The following TRPC5 variants were observed in gnomAD, a reference collection of about 807,000 sequenced individuals.
TRPC5 encodes short transient receptor potential channel 5.
TRPC5 carries 9 observed loss-of-function variants against 56.5 expected under a neutral mutation model. The observed-to-expected ratio is 0.16, with a 90% CI of 0.10 to 0.28. The LOEUF (loss-of-function observed/expected upper bound fraction) is 0.28. Ranked by LOEUF, TRPC5 falls within the 10% of genes least tolerant of loss-of-function variation. The probability of loss-of-function intolerance (pLI) is 1.00; values close to 1 mark genes in which losing one functional copy is unlikely to be tolerated. For missense variants in TRPC5, 469 were observed against 748.9 expected (o/e 0.63, Z 4.36); for synonymous variants, 282 against 278.5 (o/e 1.01, Z -0.13).
chrX:111,843,873 A>AGTGT (rs547330564), intron 6 of TRPC5, among the ~76,000 whole-genome samples: 2,713 of 72,550 alleles, frequency 0.037, 62 homozygotes, highest in East Asian at 0.066. Flanking sequence ...CAGTGGGATG[A>AGTGT]GTGTGTGTGT....
intron 1 of TRPC5, among the ~76,000 whole-genome samples, chrX:112,040,103 C>T (rs913926462): frequency 1.8e-5 from 2 of 112,170 alleles, no homozygotes; most frequent in African/African-American, 6.5e-5. Context: ...TTACATCTAA[C>T]AGATGCTCTA....
intron 1 of TRPC5, among the ~76,000 whole-genome samples, chrX:112,023,234 G>GTTTTTTTTT (rs749260030): frequency 1.1e-4 from 5 of 45,960 alleles, no homozygotes; most frequent in African/African-American, 4.0e-4. Context: ...GCGCCCAGCA[G>GTTTTTTTTT]TTTTTTTTTT....
At chrX:112,052,152 G>T (rs767420732) in intron 1 of TRPC5, among the ~76,000 whole-genome samples, 3 of 111,663 alleles carry the variant, frequency 2.7e-5, no homozygotes, top group African/African-American at 9.8e-5. Context: ...AAGCAAAACT[G>T]CTGGATTCTC....
At chrX:111,845,152 C>T (rs887132919) in intron 6 of TRPC5, among the ~76,000 whole-genome samples, 1 of 111,186 alleles carries the variant, frequency 9.0e-6, no homozygotes, top group Admixed American at 9.6e-5. Flanking sequence ...GCACAAGAAT[C>T]GCTTGAACCT....
intron 1 of TRPC5, among the ~76,000 whole-genome samples, chrX:112,035,110 G>T (rs1929699458): frequency 9.7e-6 from 1 of 103,237 alleles, no homozygotes; most frequent in African/African-American, 3.6e-5. Context: ...AAATGTAAGA[G>T]CTTAGAGCTA....
intron 1 of TRPC5, among the ~76,000 whole-genome samples, chrX:112,024,858 C>T (rs1425503498): frequency 8.9e-6 from 1 of 111,919 alleles, no homozygotes; most frequent in African/African-American, 3.2e-5. Flanking sequence ...GGGTAAGTCA[C>T]CTCCCTGGGA....
At position 112,082,337 on chromosome X, in the gene TRPC5, CTG is replaced by C. The variant is rs1167253558; in HGVS notation, c.-482_-481del. On this transcript the variant is annotated 5_prime_UTR_variant, in exon 1 of 11. It introduces an in-frame stop codon into an upstream open reading frame of the 5' UTR. Coordinates refer to ENST00000262839, the MANE Select transcript of TRPC5 (RefSeq NM_012471.3). ...GGGAAACTGACAGGGGTAGCTGACA[CTG>C]TAGTGTGAAGGAGAGGGAGAAGGAG... 8 of 110,133 alleles carry C rather than the reference CTG, an allele frequency of 7.3e-5. No homozygotes were observed. Among genetic ancestry groups the C allele is most frequent in the African/African-American group, 2.7e-4 (8 of 30,068 alleles). The allele number at this position is 110,133 out of a possible 1,213,427, so 9.1% of individuals were successfully genotyped here.
intron 1 of TRPC5, among the ~76,000 whole-genome samples, chrX:111,968,313 A>G (rs1416800171): frequency 9.0e-6 from 1 of 111,532 alleles, no homozygotes; most frequent in Non-Finnish European, 1.9e-5. Context: ...ATCATTAAAA[A>G]GTCAGGAAAC....
At chrX:111,793,319 T>G (rs1398685959) in intron 7 of TRPC5, among the ~76,000 whole-genome samples, 4 of 111,468 alleles carry the variant, frequency 3.6e-5, no homozygotes, top group African/African-American at 1.3e-4. Context: ...TATCTGAGAC[T>G]GGGTAATTTA....
chrX:111,987,730 G>A (rs1454863920), intron 1 of TRPC5, among the ~76,000 whole-genome samples: 7 of 111,668 alleles, frequency 6.3e-5, no homozygotes, highest in Non-Finnish European at 1.1e-4. Flanking sequence ...TTATCCATTC[G>A]TCAACAATAG....
chrX:111,979,962 A>G (rs1001744573), intron 1 of TRPC5, among the ~76,000 whole-genome samples: 2 of 111,781 alleles, frequency 1.8e-5, no homozygotes, highest in African/African-American at 6.5e-5. Flanking sequence ...CAGTCTAAAA[A>G]TAACTAAGTA....
At chrX:111,865,638 G>C (rs1477578677) in intron 3 of TRPC5, among the ~76,000 whole-genome samples, 1 of 111,826 alleles carries the variant, frequency 8.9e-6, no homozygotes, top group Non-Finnish European at 1.9e-5. Context: ...CTTCTTAAAA[G>C]CTATAAGACT....
At chrX:112,039,034 G>T (rs1402832697) in intron 1 of TRPC5, among the ~76,000 whole-genome samples, 2 of 110,243 alleles carry the variant, frequency 1.8e-5, no homozygotes, top group Non-Finnish European at 3.8e-5. Context: ...AAAGTGCACA[G>T]ACTTGGTGCT....
At chrX:111,845,912 CA>C (rs1021985460) in intron 6 of TRPC5, among the ~76,000 whole-genome samples, 1 of 111,977 alleles carries the variant, frequency 8.9e-6, no homozygotes, top group Non-Finnish European at 1.9e-5. Context: ...GGAAGAGAGA[CA>C]AGGAGCATGG....
intron 1 of TRPC5, among the ~76,000 whole-genome samples, chrX:111,980,908 T>C (rs1299454704): frequency 2.1e-5 from 2 of 96,327 alleles, no homozygotes; most frequent in Admixed American, 1.1e-4. Context: ...ATATTATATA[T>C]ATGTATATAT....
intron 2 of TRPC5, among the ~76,000 whole-genome samples, chrX:111,940,689 TAAAAAAAAAA>T (rs781266805): frequency 1.4e-5 from 1 of 70,316 alleles, no homozygotes; most frequent in Non-Finnish European, 2.7e-5. Context: ...GGACTACGTC[TAAAAAAAAAA>T]AAAAAAAAAA....
At chrX:111,895,894 G>A (rs1472331485) in intron 3 of TRPC5, 1 of 111,424 alleles carries the variant, frequency 9.0e-6, no homozygotes, top group Non-Finnish European at 1.9e-5. Flanking sequence ...TTTGGGAGTG[G>A]TTTTGATCTT....
At chrX:111,899,528 G>A (rs778281114) in intron 3 of TRPC5, among the ~76,000 whole-genome samples, 9 of 111,239 alleles carry the variant, frequency 8.1e-5, no homozygotes, top group Non-Finnish European at 1.5e-4. Context: ...TGATCAAGAG[G>A]AGGAATAAAA....
chrX:112,069,068 G>C (rs1184134286), intron 1 of TRPC5, among the ~76,000 whole-genome samples: 1 of 111,430 alleles, frequency 9.0e-6, no homozygotes, highest in African/African-American at 3.3e-5. Context: ...AGGATGATGA[G>C]GATGAGGATG....
Sources: gnomAD v4.1 joint callset for allele counts (sites outside exome capture counted in the v4.1 genomes callset) on GRCh38, gnomAD v4.1.1 for gene constraint, MANE v1.5 for transcripts, NCBI Gene and HGNC (gene_info 2026-07-23, HGNC 2026-07-21) for gene names.